Variants in SLC45A2 observed in about 807,000 individuals in gnomAD.
SLC45A2 encodes the protein membrane-associated transporter protein.
In SLC45A2, 36 loss-of-function variants were observed where a neutral mutation model predicts 45.5. The observed-to-expected ratio is 0.79, with a 90% confidence interval of 0.61 to 1.04. SLC45A2 has a LOEUF of 1.04. Ranked by LOEUF, SLC45A2 falls within the 50% of genes least tolerant of loss-of-function variation. SLC45A2 has a pLI of 0.00. For missense variants in SLC45A2, 719 were observed against 671.0 expected, an observed-to-expected ratio of 1.07 and a Z score of -0.79; for synonymous variants, 306 against 269.3, an observed-to-expected ratio of 1.14 and a Z score of -1.33.
intron 4 of SLC45A2, among the ~76,000 whole-genome samples, chr5:33,953,235 G>A: frequency 7.2e-6 from 1 of 138,070 alleles, no homozygotes; most frequent in African/African-American, 2.7e-5. Context: ...GGGTCAAATG[G>A]TATTTCTAGT....
chr5:33,950,300 A>G (rs1752061249), intron 5 of SLC45A2, among the ~76,000 whole-genome samples: 1 of 152,202 alleles, frequency 6.6e-6, no homozygotes, highest in South Asian at 2.1e-4. Context: ...CTTTTAGTCT[A>G]ACATTCTTTT....
At chr5:33,974,619 T>C (rs1207471714) in intron 2 of SLC45A2, among the ~76,000 whole-genome samples, 8 of 152,190 alleles carry the variant, frequency 5.3e-5, no homozygotes, top group Non-Finnish European at 2.9e-5. Flanking sequence ...CAAGGGCATG[T>C]AAATTCAAAA....
chr5:33,955,941 T>C (rs1752261628), intron 3 of SLC45A2, among the ~76,000 whole-genome samples: 1 of 152,192 alleles, frequency 6.6e-6, no homozygotes, highest in Admixed American at 6.5e-5. Context: ...GATTTTTTTT[T>C]AACTTTATGA....
At chr5:33,953,022 C>T (rs1184667660) in intron 4 of SLC45A2, among the ~76,000 whole-genome samples, 1,536 of 87,156 alleles carry the variant, frequency 0.018, 57 homozygotes, top group African/African-American at 0.068. Flanking sequence ...AGGACATGAA[C>T]TCATCATTTT....
chr5:33,964,362 A>G (rs1752542465), intron 2 of SLC45A2, among the ~76,000 whole-genome samples: 1 of 152,212 alleles, frequency 6.6e-6, no homozygotes, highest in African/African-American at 2.4e-5. Flanking sequence ...CTACCATCAG[A>G]GATACTGTGA....
chr5:33,963,079 A>T (rs1377967468), intron 3 of SLC45A2, among the ~76,000 whole-genome samples: 1 of 152,208 alleles, frequency 6.6e-6, no homozygotes, highest in Non-Finnish European at 1.5e-5. Flanking sequence ...TGAAGTTCTA[A>T]TTTTATTTTT....
chr5:33,976,750 C>G (rs1027837453), intron 2 of SLC45A2, among the ~76,000 whole-genome samples: 1 of 152,126 alleles, frequency 6.6e-6, no homozygotes, highest in Non-Finnish European at 1.5e-5. Flanking sequence ...CACAAAAAGA[C>G]CTTTTGTGTT....
intron 3 of SLC45A2, 49 bp from the exon 4 acceptor site, chr5:33,954,553 G>T (rs1561359244): frequency 6.2e-7 from 1 of 1,610,858 alleles, no homozygotes; most frequent in Non-Finnish European, 8.5e-7. Flanking sequence ...CAGAAACTCA[G>T]CCAGCTAAGG....
At position 33,947,272 on chromosome 5, in the gene SLC45A2, T is replaced by C. The variant is rs747149385; in HGVS notation, c.1259A>G (p.Asn420Ser). 3.0e-5 allele frequency: 48 copies of C among 1,614,044 alleles called. No homozygotes were observed. Among genetic ancestry groups the C allele is most frequent in the Middle Eastern group, 3.3e-4 (2 of 6,084 alleles). ...GCACAGGACCAGGGTGGAGTAGACA[T>C]TCGGGAAGAGCCCAATAAATCCCGT... ...LGTGFIGLFP[N>S]VYSTLVLCSL... is the part of the protein sequence containing the mutation. The change falls in exon 6 of 7, where the codon AAT becomes AGT. Residue 420 changes from asparagine to serine, a missense_variant. By Grantham distance (46) the Asn-to-Ser change is conservative. Transcript: ENST00000296589.
At chr5:33,975,791 T>C (rs1752912334) in intron 2 of SLC45A2, among the ~76,000 whole-genome samples, 1 of 152,166 alleles carries the variant, frequency 6.6e-6, no homozygotes, top group South Asian at 2.1e-4. Context: ...CAATTCTGCC[T>C]AATGAGAAAC....
In SLC45A2 at chr5:33,982,133, C is replaced by A. The variant is rs950398020; in HGVS notation, c.562+103G>T. Reference sequence around the variant, plus strand: ...GACGGGAGCAGCCCATCAGCTGACCCGTTCATTCAAAAAACTCCACGTGTA... The same window carrying A: ...GACGGGAGCAGCCCATCAGCTGACCAGTTCATTCAAAAAACTCCACGTGTA... On this transcript the variant is annotated intron_variant, in intron 2 of 6. Coordinates refer to ENST00000296589, the MANE Select transcript of SLC45A2 (RefSeq NM_016180.5). The A allele has an allele frequency of 2.7e-5, 35 of 1,320,704 alleles. No homozygotes were observed. The Admixed American group carries it at 3.2e-4, about 12-fold the overall frequency. The allele number at this position is 1,320,704 out of a possible 1,614,324, so 81.8% of individuals were successfully genotyped here.
chr5:33,960,234 A>G (rs1418862324), intron 3 of SLC45A2, among the ~76,000 whole-genome samples: 1 of 151,712 alleles, frequency 6.6e-6, no homozygotes, highest in African/African-American at 2.4e-5. Flanking sequence ...TGTTCACTGC[A>G]TCCACGTCAA....
chr5:33,982,231 C>A lies in SLC45A2; in HGVS notation c.562+5G>T. On this transcript the variant is annotated splice_donor_5th_base_variant and intron_variant, in intron 2 of 6. Transcript: ENST00000296589. ...GAAGGAGAGACTTTCTGGAATATTC[C>A]CTACCTGTGAAGAGGGCATGGTAGT... 1 of 1,613,910 alleles carries A rather than the reference C, an allele frequency of 6.2e-7. No homozygotes were observed. The highest frequency in any genetic ancestry group is 8.5e-7 in the Non-Finnish European group (1 of 1,179,864).
At chr5:33,971,497 A>G (rs1366486049) in intron 2 of SLC45A2, 7 of 332,028 alleles carry the variant, frequency 2.1e-5, no homozygotes, top group Non-Finnish European at 4.1e-5. Context: ...GGAGTGCAGT[A>G]CTGTGGTCTT....
rs1270830994 is a variant in SLC45A2, at chr5:33,984,223, G to A, written c.361C>T (p.Leu121Phe). Reference protein sequence around the residue: ...VMMLVGMALYLNGATVVAALI... With the variant: ...VMMLVGMALYFNGATVVAALI... Reference sequence around the variant, plus strand: ...CCTGCTACAACAGTAGCCCCATTGAGGTACAGAGCCATGCCCACGAGCATC... The same window carrying A: ...CCTGCTACAACAGTAGCCCCATTGAAGTACAGAGCCATGCCCACGAGCATC... Residue 121 changes from leucine (L) to phenylalanine (F), a missense_variant, in exon 1 of 7, where the codon CTC becomes TTC. Transcript: ENST00000296589. 2 of 1,614,088 alleles carry A rather than the reference G, an allele frequency of 1.2e-6. No homozygotes were observed. Among genetic ancestry groups the A allele is most frequent in the Non-Finnish European group, 1.7e-6 (2 of 1,180,018 alleles).
At chr5:33,973,757 G>A (rs750466411) in intron 2 of SLC45A2, among the ~76,000 whole-genome samples, 4 of 150,856 alleles carry the variant, frequency 2.7e-5, no homozygotes, top group African/African-American at 4.8e-5. Context: ...GTTTGCAGGC[G>A]TAGTGAGGAT....
In SLC45A2 at chr5:33,963,850, T is replaced by G; in HGVS notation, c.729A>C (p.Thr243=). ...HLCSISEAPL[T]EVAKGIPPQQ... is the part of the protein sequence containing the mutation. ...GTGGGGGAATGCCCTTTGCAACCTCTGTAAGTGGGGCTTCAGAGATACTGC... is the reference window on the plus strand; with the variant it reads ...GTGGGGGAATGCCCTTTGCAACCTCGGTAAGTGGGGCTTCAGAGATACTGC... Residue 243 remains threonine, a synonymous_variant, in exon 3 of 7, where the codon ACA becomes ACC. Transcript: ENST00000296589. The G allele has an allele frequency of 6.2e-7, 1 of 1,614,136 alleles. No homozygotes were observed. Among genetic ancestry groups the G allele is most frequent in the Admixed American group, 1.7e-5 (1 of 60,024 alleles).
Position 33,977,329 on chromosome 5 carries a change from T to C in SLC45A2, c.562+4907A>G, listed in dbSNP as rs141748892. ...AGACCATAAAGGCCCCAGGAGGAGA[T>C]GAAAATTCAGGATGTATGTGTGATC... On this transcript the variant is annotated intron_variant, in intron 2 of 6. Transcript: ENST00000296589. Among the ~76,000 whole-genome samples the C allele has an allele frequency of 1.5e-3, 224 of 152,286 alleles. 1 individual carries two copies. Among genetic ancestry groups the C allele is most frequent in the African/African-American group, 5.3e-3 (219 of 41,562 alleles).
intron 2 of SLC45A2, among the ~76,000 whole-genome samples, chr5:33,980,208 A>AC (rs1164730554): frequency 6.6e-6 from 1 of 151,492 alleles, no homozygotes; most frequent in Non-Finnish European, 1.5e-5. Context: ...TAATCACCGA[A>AC]CCCCCCTCCT....
Sources: gnomAD v4.1 joint callset for allele counts (sites outside exome capture counted in the v4.1 genomes callset) on GRCh38, gnomAD v4.1.1 for gene constraint, MANE v1.5 for transcripts, NCBI Gene and HGNC (gene_info 2026-07-23, HGNC 2026-07-21) for gene names.